The following ADGRG7 variants were observed in gnomAD, a reference collection of about 807,000 sequenced individuals.
ADGRG7 encodes adhesion G protein-coupled receptor G7.
A neutral mutation model predicts 88.6 loss-of-function variants in ADGRG7; 82 were observed. The observed-to-expected ratio is 0.93, with a 90% CI of 0.77 to 1.11. ADGRG7 has a LOEUF of 1.11. ADGRG7 is among the 50% of genes most tolerant of loss of function. The probability of loss-of-function intolerance (pLI) is 0.00; values close to 1 mark genes in which losing one functional copy is unlikely to be tolerated. For synonymous variants in ADGRG7, 381 were observed against 345.2 expected, an observed-to-expected ratio of 1.10 and a Z score of -1.15; for missense variants, 945 against 953.4, an observed-to-expected ratio of 0.99 and a Z score of 0.12.
At chr3:100,639,010 CTGTGTGTGTGTGTGTGTGTGTGTG>C (rs56088926) in intron 6 of ADGRG7, among the ~76,000 whole-genome samples, 17 of 147,138 alleles carry the variant, frequency 1.2e-4, no homozygotes, top group Non-Finnish European at 2.1e-4. Flanking sequence ...CCCTCTGTTT[CTGTGTGTGTGTGTGTGTGTGTGTG>C]TGTGTGTGTG....
At chr3:100,686,875 A>G (rs1165550446) in intron 15 of ADGRG7, among the ~76,000 whole-genome samples, 1 of 152,154 alleles carries the variant, frequency 6.6e-6, no homozygotes, top group Non-Finnish European at 1.5e-5. Flanking sequence ...TTTTGGTTCC[A>G]TATGAACGAA....
At chr3:100,645,027 C>T (rs914227494) in intron 8 of ADGRG7, among the ~76,000 whole-genome samples, 20 of 152,200 alleles carry the variant, frequency 1.3e-4, no homozygotes, top group South Asian at 1.0e-3. Flanking sequence ...GCTGTCGGGG[C>T]CTTGCCTGTC....
chr3:100,619,416 A>G (rs1707275756), intron 1 of ADGRG7, among the ~76,000 whole-genome samples: 1 of 152,230 alleles, frequency 6.6e-6, no homozygotes, highest in Non-Finnish European at 1.5e-5. Flanking sequence ...CAGTGTGTAG[A>G]GGGAAATTTA....
Position 100,613,378 on chromosome 3 carries a change from T to C in ADGRG7, c.115+3407T>C, listed in dbSNP as rs866961554. Among the ~76,000 whole-genome samples the C allele has an allele frequency of 5.3e-5, 8 of 152,076 alleles. No homozygotes were observed. The South Asian group carries it at 6.2e-4, about 12-fold the overall frequency. On this transcript the variant is annotated intron_variant, in intron 1 of 15. Coordinates refer to ENST00000273352, the MANE Select transcript of ADGRG7 (RefSeq NM_032787.3). Reference sequence around the variant, plus strand: ...CCTGGAGTATATTTGCATTTGGGGGTTTAAAAAATAAAAAAAGTCCAGAGT... The same window carrying C: ...CCTGGAGTATATTTGCATTTGGGGGCTTAAAAAATAAAAAAAGTCCAGAGT...
chr3:100,625,442 C>T (rs1707368290), intron 1 of ADGRG7, among the ~76,000 whole-genome samples: 2 of 152,078 alleles, frequency 1.3e-5, no homozygotes, highest in African/African-American at 4.8e-5. Flanking sequence ...GGGGCTGAGA[C>T]GATGGGGTTT....
chr3:100,637,444 C>A, intron 6 of ADGRG7, 42 bp downstream of exon 6: 2 of 1,345,286 alleles, frequency 1.5e-6, no homozygotes, highest in Non-Finnish European at 2.1e-6. Context: ...TGACTAAGGG[C>A]TGTTTACTTT....
intron 1 of ADGRG7, among the ~76,000 whole-genome samples, chr3:100,628,440 C>A (rs779086591): frequency 6.6e-6 from 1 of 151,606 alleles, no homozygotes; most frequent in Admixed American, 6.6e-5. Flanking sequence ...CTCACTGCAA[C>A]CTCCGCCTCC....
intron 13 of ADGRG7, among the ~76,000 whole-genome samples, chr3:100,659,388 C>T (rs1478773421): frequency 1.5e-5 from 2 of 130,850 alleles, no homozygotes; most frequent in Non-Finnish European, 3.1e-5. Flanking sequence ...TGCAGTGAGC[C>T]GAGGTTGCAC....
At chr3:100,691,403 T>C (rs997547463) in intron 15 of ADGRG7, among the ~76,000 whole-genome samples, 1 of 152,156 alleles carries the variant, frequency 6.6e-6, no homozygotes, top group Non-Finnish European at 1.5e-5. Flanking sequence ...CCCAGTGAGA[T>C]GAACCCGGTA....
chr3:100,659,572 G>T, intron 13 of ADGRG7, 116 bp from the exon 14 acceptor site: 1 of 808,692 alleles, frequency 1.2e-6, no homozygotes, highest in Non-Finnish European at 1.9e-6. Context: ...AATGCAGAGG[G>T]ATGTTAACTT....
At chr3:100,664,912 G>C in intron 14 of ADGRG7, 1 of 328,940 alleles carries the variant, frequency 3.0e-6, no homozygotes, top group Non-Finnish European at 6.1e-6. Flanking sequence ...ATCAAACTTT[G>C]CACAAATGAA....
intron 15 of ADGRG7, among the ~76,000 whole-genome samples, chr3:100,672,679 T>C (rs2094960259): frequency 6.6e-6 from 1 of 152,214 alleles, no homozygotes; most frequent in Non-Finnish European, 1.5e-5. Context: ...TTCAGTATGA[T>C]ATTGGCTGTG....
At chr3:100,682,501 T>C (rs2094974882) in intron 15 of ADGRG7, among the ~76,000 whole-genome samples, 1 of 152,156 alleles carries the variant, frequency 6.6e-6, no homozygotes, top group African/African-American at 2.4e-5. Flanking sequence ...TGAGGCTGCG[T>C]CCTCAGGATC....
At chr3:100,621,361 G>T (rs1297085525) in intron 1 of ADGRG7, among the ~76,000 whole-genome samples, 1 of 152,180 alleles carries the variant, frequency 6.6e-6, no homozygotes, top group Non-Finnish European at 1.5e-5. Flanking sequence ...TAGCCAAATT[G>T]TGATTGCAAA....
chr3:100,615,915 G>A (rs1366755808), intron 1 of ADGRG7, among the ~76,000 whole-genome samples: 2 of 151,996 alleles, frequency 1.3e-5, no homozygotes, highest in Admixed American at 1.3e-4. Flanking sequence ...GCCTTGAGTA[G>A]GATCAACCAA....
chr3:100,640,322 T>G (rs1707619304), intron 6 of ADGRG7, among the ~76,000 whole-genome samples: 2 of 152,216 alleles, frequency 1.3e-5, no homozygotes, highest in Admixed American at 6.5e-5. Context: ...CATTCCAGTT[T>G]TCTCTTGGTA....
chr3:100,689,711 C>A (rs1439661325), intron 15 of ADGRG7, among the ~76,000 whole-genome samples: 2 of 152,244 alleles, frequency 1.3e-5, no homozygotes, highest in Non-Finnish European at 2.9e-5. Context: ...CCCCCACTCT[C>A]TTCTGGCTTG....
chr3:100,628,302 C>T (rs548545566), intron 1 of ADGRG7, among the ~76,000 whole-genome samples: 1 of 151,708 alleles, frequency 6.6e-6, no homozygotes, highest in African/African-American at 2.4e-5. Context: ...CCATTGTTAT[C>T]TATGAGAGGG....
intron 1 of ADGRG7, among the ~76,000 whole-genome samples, chr3:100,628,173 T>C (rs2149016152): frequency 6.6e-6 from 1 of 152,244 alleles, no homozygotes; most frequent in South Asian, 2.1e-4. Flanking sequence ...AGAGACTGGG[T>C]AGTGCCCTTA....
Sources: gnomAD v4.1 joint callset for allele counts (sites outside exome capture counted in the v4.1 genomes callset) on GRCh38, gnomAD v4.1.1 for gene constraint, MANE v1.5 for transcripts, NCBI Gene and HGNC (gene_info 2026-07-23, HGNC 2026-07-21) for gene names.